INSL6: variants seen among roughly 807,000 people sequenced by gnomAD.
INSL6 encodes insulin like 6.
A neutral mutation model predicts 9.4 loss-of-function variants in INSL6; 16 were observed. The ratio of observed to expected loss-of-function variants is 1.70; its 90% CI spans 1.15 to 2.59. The LOEUF (loss-of-function observed/expected upper bound fraction) is 2.59. INSL6 is among the 30% of genes most tolerant of loss of function. The pLI, the probability that INSL6 is intolerant of heterozygous loss-of-function variation, is 0.00. For synonymous variants in INSL6, 154 were observed against 96.9 expected, an observed-to-expected ratio of 1.59 and a Z score of -3.46; for missense variants, 391 against 257.3, an observed-to-expected ratio of 1.52 and a Z score of -3.56.
chr9:5,163,361 T>C (rs966975959), downstream of INSL6, among the ~76,000 whole-genome samples: 1 of 152,226 alleles, frequency 6.6e-6, no homozygotes, highest in Non-Finnish European at 1.5e-5. Flanking sequence ...GATTTTAGTT[T>C]AGATTCACTA....
the INSL6 span, among the ~76,000 whole-genome samples, chr9:5,007,394 G>A: frequency 6.6e-6 from 1 of 151,920 alleles, no homozygotes; most frequent in Non-Finnish European, 1.5e-5. Flanking sequence ...TTATTTTTCT[G>A]TATATGCTGT....
the INSL6 span, chr9:5,055,806 T>C: frequency 3.8e-6 from 6 of 1,598,874 alleles, no homozygotes; most frequent in South Asian, 1.1e-5. Flanking sequence ...TGCTTTATGA[T>C]TGAATAATGG....
At chr9:5,033,864 A>T in the INSL6 span, among the ~76,000 whole-genome samples, 21 of 152,196 alleles carry the variant, frequency 1.4e-4, no homozygotes, top group Admixed American at 6.5e-5. Flanking sequence ...AACGTCATAA[A>T]GACCGGATCA....
the INSL6 span, chr9:5,098,365 C>T: frequency 6.6e-6 from 1 of 152,150 alleles, no homozygotes; most frequent in Non-Finnish European, 1.5e-5. Flanking sequence ...TCAATTAGGC[C>T]TTCAAGACGC....
the INSL6 span, among the ~76,000 whole-genome samples, chr9:5,053,969 T>C: frequency 5.5e-4 from 83 of 152,154 alleles, no homozygotes; most frequent in Non-Finnish European, 1.1e-3. Flanking sequence ...AGAAATAAAT[T>C]ACCTTCTTTA....
the INSL6 span, chr9:5,073,826 A>G: frequency 8.5e-6 from 11 of 1,297,722 alleles, no homozygotes; most frequent in Admixed American, 2.0e-4. Flanking sequence ...TTCTCAGAGC[A>G]TCTGTTTTTG....
chr9:5,174,736 C>T (rs1432108695), intron 1 of INSL6, among the ~76,000 whole-genome samples: 1 of 152,180 alleles, frequency 6.6e-6, no homozygotes, highest in Non-Finnish European at 1.5e-5. Flanking sequence ...ATATACCTTA[C>T]TTCCTACTCA....
At chr9:5,064,962 C>T in the INSL6 span, 2 of 1,605,992 alleles carry the variant, frequency 1.2e-6, no homozygotes, top group Non-Finnish European at 1.7e-6. Context: ...ACTGCAGATG[C>T]ACATCATTAC....
chr9:5,095,187 C>T, the INSL6 span, among the ~76,000 whole-genome samples: 1 of 152,038 alleles, frequency 6.6e-6, no homozygotes, highest in South Asian at 2.1e-4. Flanking sequence ...GCTATTGGGC[C>T]CATTCTCCTG....
the INSL6 span, among the ~76,000 whole-genome samples, chr9:4,993,273 A>G: frequency 1.3e-5 from 2 of 152,204 alleles, no homozygotes; most frequent in African/African-American, 2.4e-5. Context: ...TCTATGAGGT[A>G]CTGATTTAGA....
At chr9:5,023,675 C>A in the INSL6 span, among the ~76,000 whole-genome samples, 4 of 152,130 alleles carry the variant, frequency 2.6e-5, no homozygotes, top group Admixed American at 1.3e-4. Flanking sequence ...TGTCTTGTTT[C>A]GTCTCCTTCC....
chr9:5,080,331 A>C, the INSL6 span: 1 of 1,613,906 alleles, frequency 6.2e-7, no homozygotes. Context: ...ACTTTGTGGG[A>C]AATCTGCAGT....
the INSL6 span, among the ~76,000 whole-genome samples, chr9:5,004,275 T>G: frequency 4.3e-4 from 65 of 152,284 alleles, no homozygotes; most frequent in African/African-American, 1.4e-3. Context: ...GACCAACGTC[T>G]CCCATTCCTC....
the INSL6 span, chr9:5,068,885 C>G: frequency 1.9e-6 from 1 of 533,920 alleles, no homozygotes; most frequent in Non-Finnish European, 3.3e-6. Context: ...ACTTCTATCA[C>G]TATACTGGCA....
At chr9:5,012,752 A>G in the INSL6 span, among the ~76,000 whole-genome samples, 1 of 152,206 alleles carries the variant, frequency 6.6e-6, no homozygotes, top group Non-Finnish European at 1.5e-5. Context: ...ATTGAAGCCT[A>G]TAATTTAGTA....
the INSL6 span, chr9:5,041,660 G>A: frequency 5.9e-6 from 3 of 509,436 alleles, no homozygotes; most frequent in South Asian, 1.5e-5. Context: ...ACTACCTGCG[G>A]AAGCTCTCCA....
chr9:5,051,576 A>G, the INSL6 span, among the ~76,000 whole-genome samples: 1 of 152,176 alleles, frequency 6.6e-6, no homozygotes, highest in Admixed American at 6.5e-5. Context: ...GCATTCTTCA[A>G]ATTATTCTTC....
chr9:5,111,221 A>G, the INSL6 span: 11 of 582,572 alleles, frequency 1.9e-5, no homozygotes, highest in Admixed American at 1.1e-4. Context: ...AAGAGCAGCT[A>G]GCGCGGGCCT....
At chr9:4,992,565 C>T in the INSL6 span, among the ~76,000 whole-genome samples, 2 of 152,164 alleles carry the variant, frequency 1.3e-5, no homozygotes, top group African/African-American at 4.8e-5. Context: ...ACGCAAAATA[C>T]ACTGAGCTTC....
Sources: allele counts gnomAD v4.1 joint callset (sites outside exome capture counted in the v4.1 genomes callset), GRCh38; gene constraint gnomAD v4.1.1; transcripts MANE v1.5; gene names NCBI Gene and HGNC (gene_info 2026-07-23, HGNC 2026-07-21).